Variants in GYPC observed in about 807,000 individuals in gnomAD.
GYPC encodes glycophorin-C.
In GYPC, 14 loss-of-function variants were observed where a neutral mutation model predicts 12.6. The ratio of observed to expected loss-of-function variants is 1.11; its 90% CI spans 0.74 to 1.74. The LOEUF is 1.74. GYPC is among the 40% of genes most tolerant of loss of function. The pLI is 0.00. For synonymous variants in GYPC, 78 were observed against 62.1 expected (o/e 1.26, Z -1.20); for missense variants, 225 against 172.1 (o/e 1.31, Z -1.72).
At chr2:126,686,173 C>T in intron 1 of GYPC, 1 of 985,380 alleles carries the variant, frequency 1.0e-6, no homozygotes, top group Non-Finnish European at 1.2e-6. Context: ...CTCTTGGTGG[C>T]AACAGAGGAG....
chr2:126,677,205 A>C (rs1683014551), intron 1 of GYPC, among the ~76,000 whole-genome samples: 1 of 151,408 alleles, frequency 6.6e-6, no homozygotes, highest in Admixed American at 6.6e-5. Flanking sequence ...GTGTGTGTGC[A>C]TGTGTGCCTG....
intron 1 of GYPC, among the ~76,000 whole-genome samples, chr2:126,666,490 G>A (rs151303354): frequency 6.6e-6 from 1 of 152,256 alleles, no homozygotes; most frequent in African/African-American, 2.4e-5. Context: ...CAGACCTCAG[G>A]AAAGTTCAGT....
At chr2:126,686,669 G>C in intron 1 of GYPC, 1 of 985,430 alleles carries the variant, frequency 1.0e-6, no homozygotes, top group Non-Finnish European at 1.2e-6. Context: ...GGGGGCCGGG[G>C]GGACCTTGCA....
chr2:126,661,700 C>T (rs965380544), intron 1 of GYPC, among the ~76,000 whole-genome samples: 2 of 152,194 alleles, frequency 1.3e-5, no homozygotes, highest in African/African-American at 2.4e-5. Context: ...GATCCACCCT[C>T]CTTGGCCTCC....
At chr2:126,661,287 G>C (rs1011956713) in intron 1 of GYPC, among the ~76,000 whole-genome samples, 1 of 152,088 alleles carries the variant, frequency 6.6e-6, no homozygotes, top group African/African-American at 2.4e-5. Flanking sequence ...GCTGTAGATG[G>C]GGGCAGAGCA....
intron 1 of GYPC, among the ~76,000 whole-genome samples, chr2:126,681,609 T>C (rs137967434): frequency 8.6e-5 from 13 of 151,884 alleles, no homozygotes; most frequent in Middle Eastern, 3.4e-3. Context: ...TGAGAATAAT[T>C]AATATTCAAA....
At chr2:126,661,356 C>T (rs554190428) in intron 1 of GYPC, among the ~76,000 whole-genome samples, 7 of 152,190 alleles carry the variant, frequency 4.6e-5, no homozygotes, top group Non-Finnish European at 1.0e-4. Context: ...GTTCTGCTGG[C>T]GTCACCACCC....
At chr2:126,680,477 A>C (rs1322238292) in intron 1 of GYPC, 1 of 152,156 alleles carries the variant, frequency 6.6e-6, no homozygotes, top group Non-Finnish European at 1.5e-5. Context: ...CACACTGGAG[A>C]CCCCTGAGAG....
chr2:126,690,737 A>G (rs1435990932), intron 2 of GYPC, among the ~76,000 whole-genome samples: 2 of 152,148 alleles, frequency 1.3e-5, no homozygotes, highest in Non-Finnish European at 2.9e-5. Flanking sequence ...CCCTGGGTCC[A>G]TGACCCCCAA....
chr2:126,681,537 A>AATAGT (rs1172843446), intron 1 of GYPC, among the ~76,000 whole-genome samples: 1 of 151,828 alleles, frequency 6.6e-6, no homozygotes, highest in Non-Finnish European at 1.5e-5. Flanking sequence ...ACATATGCCA[A>AATAGT]ATAGTATACC....
At chr2:126,676,309 C>T (rs1421101293) in intron 1 of GYPC, among the ~76,000 whole-genome samples, 1 of 152,192 alleles carries the variant, frequency 6.6e-6, no homozygotes, top group Non-Finnish European at 1.5e-5. Context: ...GCTAAGAACC[C>T]TGATGATAAA....
chr2:126,663,100 T>A (rs1196230437), intron 1 of GYPC, among the ~76,000 whole-genome samples: 1 of 152,206 alleles, frequency 6.6e-6, no homozygotes, highest in Admixed American at 6.5e-5. Context: ...TGCAGTGACA[T>A]GATCTTGGCT....
In GYPC at chr2:126,693,945, C is replaced by T. The variant is rs766693489; in HGVS notation, c.188C>T (p.Ala63Val). The change falls in exon 3 of 4, where the codon GCA (alanine) becomes GTA (valine). Residue 63 changes from alanine to valine, a missense_variant and splice_region_variant. Ala to Val is a moderately conservative substitution (Grantham distance 64). Transcript: ENST00000259254. ...ACCATAATGGACATTGTCGTCATTG[C>T]AGGTGAGCTCTCATCACAGAGCCCT... is the stretch of plus-strand genomic sequence containing the variant. ...TPTIMDIVVIAGVIAAVAIVL... is the reference protein window; with the variant it reads ...TPTIMDIVVIVGVIAAVAIVL... 2.5e-6 allele frequency: 4 copies of T among 1,598,796 alleles called. No individual in the cohort carries two copies. The East Asian group carries it at 6.7e-5, about 27-fold the overall frequency.
chr2:126,691,764 T>C (rs1034570688), intron 2 of GYPC, among the ~76,000 whole-genome samples: 7 of 152,148 alleles, frequency 4.6e-5, no homozygotes, highest in Non-Finnish European at 8.8e-5. Context: ...TAGTAAGCGA[T>C]TGTTAGTTGT....
At chr2:126,671,254 C>T (rs1177228594) in intron 1 of GYPC, among the ~76,000 whole-genome samples, 1 of 152,218 alleles carries the variant, frequency 6.6e-6, no homozygotes, top group Non-Finnish European at 1.5e-5. Context: ...TCTGGAAATA[C>T]AGGCACTCGG....
chr2:126,672,232 C>T (rs1467855813), intron 1 of GYPC, among the ~76,000 whole-genome samples: 2 of 152,182 alleles, frequency 1.3e-5, no homozygotes, highest in African/African-American at 2.4e-5. Context: ...GCTCATGACT[C>T]TGAGGAGGTG....
At chr2:126,666,255 G>A (rs1455557491) in intron 1 of GYPC, among the ~76,000 whole-genome samples, 1 of 152,174 alleles carries the variant, frequency 6.6e-6, no homozygotes, top group African/African-American at 2.4e-5. Flanking sequence ...GGCACTGGGA[G>A]AGAATAATGC....
At chr2:126,673,799 C>T (rs1682918320) in intron 1 of GYPC, among the ~76,000 whole-genome samples, 1 of 152,174 alleles carries the variant, frequency 6.6e-6, no homozygotes, top group Non-Finnish European at 1.5e-5. Context: ...CACATACATG[C>T]ACACACACTC....
At chr2:126,683,699 C>A (rs996901659) in intron 1 of GYPC, among the ~76,000 whole-genome samples, 1 of 152,236 alleles carries the variant, frequency 6.6e-6, no homozygotes, top group Non-Finnish European at 1.5e-5. Flanking sequence ...TGGAACCAGA[C>A]ATTTCAAGTT....
Sources: gnomAD v4.1 joint callset for allele counts (sites outside exome capture counted in the v4.1 genomes callset) on GRCh38, gnomAD v4.1.1 for gene constraint, MANE v1.5 for transcripts, NCBI Gene and HGNC (gene_info 2026-07-23, HGNC 2026-07-21) for gene names.